ERICH1: variants seen among roughly 807,000 people sequenced by gnomAD.
ERICH1 encodes glutamate rich 1, also known as glutamate-rich protein 1.
ERICH1 carries 56 observed loss-of-function variants against 39.6 expected under a neutral mutation model. The ratio of observed to expected loss-of-function variants is 1.41; its 90% confidence interval spans 1.14 to 1.77. The LOEUF (loss-of-function observed/expected upper bound fraction) is 1.77, where lower values mean the gene tolerates loss of function less well. Among genes scored for constraint, ERICH1 ranks in the 40% most tolerant of loss-of-function variants. ERICH1 has a pLI of 0.00. For missense variants in ERICH1, 826 were observed against 575.4 expected, an observed-to-expected ratio of 1.44 and a Z score of -4.45; for synonymous variants, 313 against 223.6, an observed-to-expected ratio of 1.40 and a Z score of -3.57.
chr8:678,055 G>A (rs1805257996), intron 3 of ERICH1, among the ~76,000 whole-genome samples: 1 of 152,060 alleles, frequency 6.6e-6, no homozygotes, highest in Non-Finnish European at 1.5e-5. Context: ...TTAAAAAGGT[G>A]AAGGAGGCAA....
downstream of ERICH1, among the ~76,000 whole-genome samples, chr8:662,231 G>A (rs1019884375): frequency 6.6e-6 from 1 of 152,292 alleles, no homozygotes; most frequent in African/African-American, 2.4e-5. Context: ...TTCACTTGCA[G>A]GGGATGGAGA....
intron 3 of ERICH1, among the ~76,000 whole-genome samples, chr8:677,889 C>T (rs1805219300): frequency 6.6e-6 from 1 of 152,198 alleles, no homozygotes; most frequent in Non-Finnish European, 1.5e-5. Context: ...CTCCTCCCGG[C>T]ACGTCCTTCT....
At chr8:716,104 A>C in intron 1 of ERICH1, 97 bp from the exon 2 acceptor site, 1 of 1,408,028 alleles carries the variant, frequency 7.1e-7, no homozygotes, top group Non-Finnish European at 9.4e-7. Context: ...AAACACACAC[A>C]TCCTGAAAGC....
At chr8:619,935 G>T (rs968949473) in intron 3 of ERICH1, among the ~76,000 whole-genome samples, 1 of 151,922 alleles carries the variant, frequency 6.6e-6, no homozygotes, top group South Asian at 2.1e-4. Context: ...TGTCATTTAA[G>T]GAATAAAAAA....
chr8:655,120 G>A (rs1204395648), intron 3 of ERICH1, among the ~76,000 whole-genome samples: 3 of 152,172 alleles, frequency 2.0e-5, no homozygotes, highest in Non-Finnish European at 4.4e-5. Flanking sequence ...TGCACGACGG[G>A]ACCTCAGGCC....
At chr8:677,575 C>T (rs904548343) in intron 3 of ERICH1, among the ~76,000 whole-genome samples, 7 of 152,192 alleles carry the variant, frequency 4.6e-5, no homozygotes, top group African/African-American at 1.4e-4. Context: ...GTCTGACCAA[C>T]CAGCCTGGTC....
downstream of ERICH1, among the ~76,000 whole-genome samples, chr8:660,807 G>A (rs1210232740): frequency 6.6e-6 from 1 of 152,214 alleles, no homozygotes; most frequent in African/African-American, 2.4e-5. Context: ...CTTTCGAGCT[G>A]CTTCCACCTG....
intron 3 of ERICH1, among the ~76,000 whole-genome samples, chr8:654,923 G>A (rs1397342696): frequency 6.6e-6 from 1 of 152,220 alleles, no homozygotes. Context: ...GGTCACAATG[G>A]CTTTGCTTGC....
intron 2 of ERICH1, among the ~76,000 whole-genome samples, chr8:707,622 T>G (rs1271163842): frequency 6.6e-6 from 1 of 152,174 alleles, no homozygotes; most frequent in African/African-American, 2.4e-5. Context: ...GAACTCTACC[T>G]CACACCATAC....
intron 3 of ERICH1, among the ~76,000 whole-genome samples, chr8:687,870 C>T (rs895284753): frequency 5.3e-5 from 8 of 152,142 alleles, no homozygotes; most frequent in Admixed American, 4.6e-4. Context: ...GAACGGAGCG[C>T]GCGGAACCGG....
rs533496992 is a variant in ERICH1 at position 672,554 on chromosome 8, C to T, written c.1063+735G>A. Among the ~76,000 whole-genome samples, 21 of 152,120 alleles carry T rather than the reference C, an allele frequency of 1.4e-4. No homozygotes were observed. The South Asian group carries it at 3.3e-3, about 24-fold the overall frequency. On this transcript the variant is annotated intron_variant, in intron 4 of 5. Transcript: ENST00000262109. ...CACATTAACCTGAACCTGCTGGTAA[C>T]GTCATTGAAAAGACACCTATACCCA...
chr8:684,032 C>T (rs1376838103), intron 3 of ERICH1, among the ~76,000 whole-genome samples: 1 of 152,186 alleles, frequency 6.6e-6, no homozygotes, highest in Admixed American at 6.5e-5. Context: ...GTCTTAAAAA[C>T]TGACTTAGTG....
intron 3 of ERICH1, among the ~76,000 whole-genome samples, chr8:628,688 T>G (rs927526439): frequency 6.6e-6 from 1 of 152,214 alleles, no homozygotes; most frequent in African/African-American, 2.4e-5. Context: ...AGGAGGACGA[T>G]GAGATGGGAA....
intron 3 of ERICH1, among the ~76,000 whole-genome samples, chr8:677,064 G>A (rs893570470): frequency 6.6e-6 from 1 of 152,190 alleles, no homozygotes; most frequent in Non-Finnish European, 1.5e-5. Context: ...CAAGCACACC[G>A]CCCTCAAAGC....
At chr8:710,645 G>A (rs992487542) in intron 2 of ERICH1, among the ~76,000 whole-genome samples, 2 of 152,162 alleles carry the variant, frequency 1.3e-5, no homozygotes, top group African/African-American at 4.8e-5. Context: ...TTTTCAGATC[G>A]GTTTCTTTCA....
At chr8:681,510 G>T (rs559727156) in intron 3 of ERICH1, among the ~76,000 whole-genome samples, 1 of 152,338 alleles carries the variant, frequency 6.6e-6, no homozygotes, top group South Asian at 2.1e-4. Flanking sequence ...TACAAAGAAT[G>T]CAAGAGTAAT....
intron 2 of ERICH1, among the ~76,000 whole-genome samples, chr8:714,996 T>C (rs531974536): frequency 1.3e-5 from 2 of 152,050 alleles, no homozygotes; most frequent in Non-Finnish European, 2.9e-5. Flanking sequence ...GCCGGTCTAT[T>C]CTCGTGTCTC....
intron 3 of ERICH1, among the ~76,000 whole-genome samples, chr8:650,766 G>C (rs1001365423): frequency 6.6e-6 from 1 of 152,216 alleles, no homozygotes; most frequent in South Asian, 2.1e-4. Flanking sequence ...TGTGGGCTCC[G>C]AGGCCTGCAG....
rs1051651686 is a variant in ERICH1, at chr8:656,805, C to T, written c.976+11793G>A. 4 of 985,362 alleles carry T rather than the reference C, an allele frequency of 4.1e-6. No individual in the cohort carries two copies. In the African/African-American group the frequency reaches 7.0e-5, roughly 17 times the overall value. The allele number at this position is 985,362 out of a possible 1,614,324, so 61.0% of individuals were successfully genotyped here. A position where few individuals can be genotyped will look rare whatever the true frequency, so the allele number is the denominator to read the frequency against. ...GCAGTGGTTCCCAGACTCCCAGCCTCAGGACTCCCTCACTCTGAAGAGCCC... is the reference window on the plus strand; with the variant it reads ...GCAGTGGTTCCCAGACTCCCAGCCTTAGGACTCCCTCACTCTGAAGAGCCC... On this transcript the variant is annotated intron_variant, in intron 3 of 3. Coordinates refer to the ERICH1 transcript ENST00000522706.
Sources: allele counts gnomAD v4.1 joint callset (sites outside exome capture counted in the v4.1 genomes callset), GRCh38; gene constraint gnomAD v4.1.1; transcripts MANE v1.5; gene names NCBI Gene and HGNC (gene_info 2026-07-23, HGNC 2026-07-21).